MTMR2: variants seen among roughly 807,000 people sequenced by gnomAD.
The protein encoded by MTMR2 is myotubularin related protein 2, also known as phosphatidylinositol-3,5-bisphosphate 3-phosphatase MTMR2.
A neutral mutation model predicts 86.9 loss-of-function variants in MTMR2; 55 were observed. The ratio of observed to expected loss-of-function variants is 0.63; its 90% CI spans 0.51 to 0.79. MTMR2 has a LOEUF of 0.79. MTMR2 is among the 30% of genes least tolerant of loss of function. The pLI is 0.00. For missense variants in MTMR2, 659 were observed against 772.3 expected, an observed-to-expected ratio of 0.85 and a Z score of 1.74; for synonymous variants, 241 against 266.8, an observed-to-expected ratio of 0.90 and a Z score of 0.94.
At chr11:95,891,592 T>C (rs1865715954) in intron 1 of MTMR2, among the ~76,000 whole-genome samples, 1 of 152,222 alleles carries the variant, frequency 6.6e-6, no homozygotes, top group African/African-American at 2.4e-5. Context: ...AATCAGTCTT[T>C]CTAGCAAAAG....
intron 5 of MTMR2, 44 bp from the exon 6 acceptor site, chr11:95,858,676 A>G: frequency 8.4e-7 from 1 of 1,187,900 alleles, no homozygotes; most frequent in South Asian, 1.2e-5. Flanking sequence ...TTCACTACTT[A>G]CTTAAATGAA....
chr11:95,874,986 C>T (rs1776667140), intron 2 of MTMR2, among the ~76,000 whole-genome samples: 1 of 152,028 alleles, frequency 6.6e-6, no homozygotes, highest in Non-Finnish European at 1.5e-5. Context: ...GATGGGCTTC[C>T]CTTTGTGGAT....
At chr11:95,854,197 C>CT (rs1490236920) in intron 7 of MTMR2, among the ~76,000 whole-genome samples, 1 of 152,162 alleles carries the variant, frequency 6.6e-6, no homozygotes, top group African/African-American at 2.4e-5. Flanking sequence ...CAGACACTCT[C>CT]TTTGTAGACT....
chr11:95,887,287 G>A (rs1865546722), intron 2 of MTMR2, among the ~76,000 whole-genome samples: 1 of 152,096 alleles, frequency 6.6e-6, no homozygotes, highest in Non-Finnish European at 1.5e-5. Context: ...AAAAGATTCT[G>A]ACATACTGTC....
intron 1 of MTMR2, among the ~76,000 whole-genome samples, chr11:95,901,529 C>T (rs924030316): frequency 2.0e-5 from 3 of 152,032 alleles, no homozygotes; most frequent in South Asian, 2.1e-4. Flanking sequence ...GATAAAGTAT[C>T]GCCCAGAGAA....
At chr11:95,915,326 G>A in intron 1 of MTMR2, among the ~76,000 whole-genome samples, 1 of 152,062 alleles carries the variant, frequency 6.6e-6, no homozygotes, top group Non-Finnish European at 1.5e-5. Context: ...GCTGCTATCA[G>A]TAAAAGCAAT....
intron 7 of MTMR2, among the ~76,000 whole-genome samples, 196 bp downstream of exon 7, chr11:95,857,356 G>C (rs1287167929): frequency 6.6e-6 from 1 of 152,070 alleles, no homozygotes; most frequent in Non-Finnish European, 1.5e-5. Flanking sequence ...GACTCTTTGG[G>C]AAGTGGTATA....
At chr11:95,878,449 TTAATA>T (rs1370827079) in intron 2 of MTMR2, among the ~76,000 whole-genome samples, 1 of 151,946 alleles carries the variant, frequency 6.6e-6, no homozygotes, top group Non-Finnish European at 1.5e-5. Flanking sequence ...TATTTTAGTA[TTAATA>T]TAAAAATGTA....
At chr11:95,902,615 T>G (rs1314556185) in intron 1 of MTMR2, among the ~76,000 whole-genome samples, 1 of 152,174 alleles carries the variant, frequency 6.6e-6, no homozygotes. Context: ...ATTCCTCTGT[T>G]TCTGAATTTT....
intron 14 of MTMR2, among the ~76,000 whole-genome samples, chr11:95,835,800 C>G (rs991373160): frequency 2.0e-5 from 3 of 152,020 alleles, no homozygotes; most frequent in Non-Finnish European, 2.9e-5. Flanking sequence ...AGTTAATATT[C>G]CATAAACATA....
At chr11:95,848,004 C>T (rs1863868011) in intron 9 of MTMR2, 105 bp from the exon 10 acceptor site, 6 of 1,117,188 alleles carry the variant, frequency 5.4e-6, no homozygotes, top group African/African-American at 1.5e-5. Flanking sequence ...TTACTGGAGA[C>T]AAGGAAAACT....
Position 95,857,641 on chromosome 11 carries a change from A to G in MTMR2, c.571-6T>C. The G allele has an allele frequency of 1.9e-6, 3 of 1,572,816 alleles. No individual in the cohort carries two copies. The highest frequency in any genetic ancestry group is 2.6e-6 in the Non-Finnish European group (3 of 1,145,552). On this transcript the variant is annotated splice_polypyrimidine_tract_variant and splice_region_variant and intron_variant, in intron 6 of 14. Coordinates refer to ENST00000346299, the MANE Select transcript of MTMR2 (RefSeq NM_016156.6). ...TATTCAAAAGCAAAAAGAGGCTACA[A>G]AAAAGTAAACAATGGTAAGAGCTAA...
intron 2 of MTMR2, among the ~76,000 whole-genome samples, chr11:95,872,520 C>A (rs569934999): frequency 1.6e-3 from 248 of 152,168 alleles, no homozygotes; most frequent in Non-Finnish European, 2.8e-3. Context: ...TGGGCTGAGA[C>A]GATGGGGTTT....
chr11:95,843,527 T>G (rs1050205602), intron 11 of MTMR2, among the ~76,000 whole-genome samples: 20 of 152,168 alleles, frequency 1.3e-4, no homozygotes, highest in African/African-American at 4.8e-4. Context: ...AAGAAGAATA[T>G]CTACAATTCC....
At chr11:95,894,081 G>A (rs572781354) in intron 1 of MTMR2, among the ~76,000 whole-genome samples, 1 of 152,228 alleles carries the variant, frequency 6.6e-6, no homozygotes, top group South Asian at 2.1e-4. Flanking sequence ...GAACCACTGG[G>A]AATGGCTTGC....
In MTMR2 at chr11:95,864,291, G is replaced by C. The variant is rs139459573; in HGVS notation, c.262+1310C>G. ...GTATACAGGAGGGAAAAGGGAAATGGGTCAAGGATGAAGTCCTAGGGCGTG... is the reference window on the plus strand; with the variant it reads ...GTATACAGGAGGGAAAAGGGAAATGCGTCAAGGATGAAGTCCTAGGGCGTG... On this transcript the variant is annotated intron_variant, in intron 3 of 14. Coordinates refer to ENST00000346299, the MANE Select transcript of MTMR2 (RefSeq NM_016156.6). Among the ~76,000 whole-genome samples, 1,093 of 152,144 alleles carry C rather than the reference G, an allele frequency of 7.2e-3. 12 individuals are homozygous for C. The highest frequency in any genetic ancestry group is 8.9e-3 in the Non-Finnish European group (603 of 67,974).
rs568170529 is a variant in MTMR2, at chr11:95,888,240, C to T, written c.102G>A (p.Glu34=). Residue 34 remains glutamate, a synonymous_variant, in exon 2 of 15, where the codon GAG becomes GAA. Transcript: ENST00000346299. ...SLSSASTSHS[E]NSVHTKSASV... ...AAGCTGATTTTGTATGCACTGAATTCTCTGAATGAGAAGTGGAGGCACTAC... is the reference window on the plus strand; with the variant it reads ...AAGCTGATTTTGTATGCACTGAATTTTCTGAATGAGAAGTGGAGGCACTAC... The T allele has an allele frequency of 1.2e-6, 2 of 1,613,170 alleles. No homozygotes were observed. Among genetic ancestry groups the T allele is most frequent in the Non-Finnish European group, 1.7e-6 (2 of 1,179,562 alleles).
In MTMR2 at chr11:95,834,520, ATAAT is replaced by A. The variant is rs1341226847; in HGVS notation, c.*766_*769del. 1.6e-4 allele frequency: 24 copies of A among 152,078 alleles called. No homozygotes were observed. Among genetic ancestry groups the A allele is most frequent in the Admixed American group, 1.6e-3 (24 of 15,240 alleles). 9.4% of individuals were successfully genotyped at this position (152,078 alleles called of 1,614,324 possible). ...AGACAAGTGAAATACACTGTAGTAA[ATAAT>A]TAGTTTTTAAAATATCTTTCATGAT... is the stretch of plus-strand genomic sequence containing the variant. On this transcript the variant is annotated 3_prime_UTR_variant, in exon 15 of 15. Coordinates refer to ENST00000346299, the MANE Select transcript of MTMR2 (RefSeq NM_016156.6).
chr11:95,908,228 T>G (rs948418231), intron 1 of MTMR2, among the ~76,000 whole-genome samples: 1 of 151,804 alleles, frequency 6.6e-6, no homozygotes, highest in Non-Finnish European at 1.5e-5. Context: ...AAATCAAGAA[T>G]GCGATCCCAT....
Sources: gnomAD v4.1 joint callset for allele counts (sites outside exome capture counted in the v4.1 genomes callset) on GRCh38, gnomAD v4.1.1 for gene constraint, MANE v1.5 for transcripts, NCBI Gene and HGNC (gene_info 2026-07-23, HGNC 2026-07-21) for gene names.